Variants in MINDY3 observed in about 807,000 individuals in gnomAD.
The protein encoded by MINDY3 is MINDY lysine 48 deubiquitinase 3.
A neutral mutation model predicts 69.2 loss-of-function variants in MINDY3; 38 were observed. That is an observed-to-expected ratio of 0.55 (90% CI 0.42 to 0.72). MINDY3 has a LOEUF of 0.72. Among genes scored for constraint, MINDY3 ranks in the 30% least tolerant of loss-of-function variants. The pLI is 0.00. For missense variants in MINDY3, 522 were observed against 519.0 expected (o/e 1.01, Z -0.06); for synonymous variants, 192 against 180.1 (o/e 1.07, Z -0.53).
At chr10:15,799,993 A>G (rs752949485) in intron 10 of MINDY3, among the ~76,000 whole-genome samples, 1 of 152,154 alleles carries the variant, frequency 6.6e-6, no homozygotes, top group Non-Finnish European at 1.5e-5. Flanking sequence ...TCAAAGAACT[A>G]AGAAGCGAGT....
At chr10:15,849,916 T>A (rs949867131) in intron 1 of MINDY3, among the ~76,000 whole-genome samples, 2 of 152,178 alleles carry the variant, frequency 1.3e-5, no homozygotes, top group African/African-American at 4.8e-5. Flanking sequence ...TACCACACAA[T>A]TTACTTAACC....
At position 15,795,832 on chromosome 10, in the gene MINDY3, G is replaced by T. The variant is rs142323649; in HGVS notation, c.955+268C>A. On this transcript the variant is annotated intron_variant, in intron 11 of 14. Transcript: ENST00000277632. The stretch of plus-strand genomic sequence containing the variant: ...TTTCAAACAGTTTGTTCAAAAGGTG[G>T]TATTTTTCCCTGTTTGGGGTCAAGA... Among the ~76,000 whole-genome samples the T allele has an allele frequency of 2.5e-3, 373 of 152,038 alleles. 3 individuals are homozygous for T. Among genetic ancestry groups the T allele is most frequent in the African/African-American group, 7.6e-3 (317 of 41,528 alleles).
At chr10:15,848,068 G>C in intron 1 of MINDY3, 125 bp from the exon 2 acceptor site, 1 of 746,622 alleles carries the variant, frequency 1.3e-6, no homozygotes, top group Non-Finnish European at 2.3e-6. Flanking sequence ...CAAATCATGA[G>C]GTGTGGATCA....
chr10:15,833,695 T>C lies in MINDY3; in HGVS notation c.665A>G (p.Asn222Ser), dbSNP rs764282543. 2 of 1,608,964 alleles carry C rather than the reference T, an allele frequency of 1.2e-6. No homozygotes were observed. The highest frequency in any genetic ancestry group is 1.7e-6 in the Non-Finnish European group (2 of 1,175,728). Reference protein sequence around the residue: ...VYGHGSQSLINLLLTGHAVSN... With the variant: ...VYGHGSQSLISLLLTGHAVSN... ...AACAGCATGTCCCGTCAGCAGGAGA[T>C]TAATTAAACTTTGGCTATTAATAAA... The change falls in exon 8 of 15, where the codon AAT becomes AGT. Residue 222 changes from asparagine to serine, a missense_variant. Asn to Ser is a conservative substitution (Grantham distance 46). Coordinates refer to ENST00000277632, the MANE Select transcript of MINDY3 (RefSeq NM_024948.4).
At chr10:15,813,242 C>G (rs753094087) in intron 10 of MINDY3, among the ~76,000 whole-genome samples, 1 of 152,100 alleles carries the variant, frequency 6.6e-6, no homozygotes, top group Non-Finnish European at 1.5e-5. Context: ...CACCTTGTCC[C>G]CCTAATTCTC....
At chr10:15,829,910 G>A (rs954052338) in intron 8 of MINDY3, among the ~76,000 whole-genome samples, 2 of 152,214 alleles carry the variant, frequency 1.3e-5, no homozygotes, top group African/African-American at 4.8e-5. Context: ...TCAAACAGCA[G>A]AGGCATAAAC....
chr10:15,847,056 T>C (rs185101254), intron 2 of MINDY3, among the ~76,000 whole-genome samples: 3 of 152,182 alleles, frequency 2.0e-5, no homozygotes, highest in Admixed American at 6.5e-5. Context: ...GAATAATAAA[T>C]GCCACATTAA....
intron 1 of MINDY3, among the ~76,000 whole-genome samples, chr10:15,855,790 C>G (rs1478756737): frequency 6.6e-6 from 1 of 152,028 alleles, no homozygotes; most frequent in Non-Finnish European, 1.5e-5. Flanking sequence ...GACTTCACAT[C>G]TAAAAAAATG....
chr10:15,823,406 A>C (rs1467093111), intron 8 of MINDY3, among the ~76,000 whole-genome samples: 1 of 152,156 alleles, frequency 6.6e-6, no homozygotes, highest in Non-Finnish European at 1.5e-5. Context: ...GATCTGTTAT[A>C]TTGTATCAGA....
At chr10:15,807,914 TA>T (rs1189407776) in intron 10 of MINDY3, among the ~76,000 whole-genome samples, 2 of 152,238 alleles carry the variant, frequency 1.3e-5, no homozygotes, top group African/African-American at 4.8e-5. Context: ...AGAACATTTA[TA>T]TTTTGAAAGA....
intron 9 of MINDY3, among the ~76,000 whole-genome samples, chr10:15,820,679 T>C (rs780364036): frequency 6.6e-6 from 1 of 152,210 alleles, no homozygotes; most frequent in African/African-American, 2.4e-5. Flanking sequence ...GATTATCATA[T>C]GCATATCACC....
chr10:15,849,403 A>G (rs562230276), intron 1 of MINDY3, among the ~76,000 whole-genome samples: 158 of 152,022 alleles, frequency 1.0e-3, no homozygotes, highest in African/African-American at 3.7e-3. Context: ...CCAGGACTTA[A>G]CCAGCAGAGA....
Position 15,816,951 on chromosome 10 carries a change from A to G in MINDY3, c.802-36T>C, listed in dbSNP as rs770876592. ...TGTAGCAAAATAAAACAAATAAACAAATTAAAAATTTATACTGCCTCTTAT... is the reference window on the plus strand; with the variant it reads ...TGTAGCAAAATAAAACAAATAAACAGATTAAAAATTTATACTGCCTCTTAT... On this transcript the variant is annotated intron_variant, in intron 9 of 14. Coordinates refer to ENST00000277632, the MANE Select transcript of MINDY3 (RefSeq NM_024948.4). 1.3e-5 allele frequency: 20 copies of G among 1,495,108 alleles called. No individual in the cohort carries two copies. In the Admixed American group the frequency reaches 1.7e-4, roughly 13 times the overall value. The allele number at this position is 1,495,108 out of a possible 1,614,324, so 92.6% of individuals were successfully genotyped here.
In MINDY3 at chr10:15,796,298, A is replaced by G. The variant is rs1837823003; in HGVS notation, c.883-126T>C. ...AGACTTTGAGTTACATTTGTATCATAGATGTGTAACGAGATAGGTCATAAA... is the reference window on the plus strand; with the variant it reads ...AGACTTTGAGTTACATTTGTATCATGGATGTGTAACGAGATAGGTCATAAA... On this transcript the variant is annotated intron_variant, in intron 10 of 14. Coordinates refer to ENST00000277632, the MANE Select transcript of MINDY3 (RefSeq NM_024948.4). 4 of 731,666 alleles carry G rather than the reference A, an allele frequency of 5.5e-6. No individual in the cohort carries two copies. The Admixed American group carries it at 8.6e-5, about 16-fold the overall frequency. The allele number at this position is 731,666 out of a possible 1,614,324, so 45.3% of individuals were successfully genotyped here.
chr10:15,860,338 C>G lies in MINDY3; in HGVS notation c.-39G>C. ...CGGGCGGATCTTCGCTTTGCGGACT[C>G]CTGCCCCGGAACATGGGGAAGGGGC... On this transcript the variant is annotated 5_prime_UTR_variant, in exon 1 of 15. Transcript: ENST00000277632. 1 of 1,483,774 alleles carries G rather than the reference C, an allele frequency of 6.7e-7. No homozygotes were observed. The highest frequency in any genetic ancestry group is 9.3e-7 in the Non-Finnish European group (1 of 1,080,450). The allele number at this position is 1,483,774 out of a possible 1,614,324, so 91.9% of individuals were successfully genotyped here. A position where few individuals can be genotyped will look rare whatever the true frequency, so the allele number is the denominator to read the frequency against.
At chr10:15,793,343 C>T (rs1349834954) in intron 11 of MINDY3, among the ~76,000 whole-genome samples, 1 of 152,080 alleles carries the variant, frequency 6.6e-6, no homozygotes, top group Non-Finnish European at 1.5e-5. Flanking sequence ...AGAGGTGATA[C>T]ATCAAGGTCC....
intron 11 of MINDY3, among the ~76,000 whole-genome samples, chr10:15,790,562 G>A (rs138776509): frequency 3.2e-4 from 49 of 152,202 alleles, no homozygotes; most frequent in African/African-American, 1.1e-3. Context: ...TAAAGGCTCA[G>A]CGTCTCCGAA....
In MINDY3 at chr10:15,832,586, T is replaced by C. The variant is rs530395048; in HGVS notation, c.730+1044A>G. Among the ~76,000 whole-genome samples the C allele has an allele frequency of 3.4e-4, 52 of 152,334 alleles. 1 individual carries two copies. In the South Asian group the frequency reaches 0.011, roughly 32 times the overall value. ...TTCACGAATTTCACTGTTTAAACTCTGACCTTTACTAGAAATCACCAAAAC... is the reference window on the plus strand; with the variant it reads ...TTCACGAATTTCACTGTTTAAACTCCGACCTTTACTAGAAATCACCAAAAC... On this transcript the variant is annotated intron_variant, in intron 8 of 14. Transcript: ENST00000277632.
At chr10:15,807,876 A>G (rs907303665) in intron 10 of MINDY3, among the ~76,000 whole-genome samples, 3 of 152,224 alleles carry the variant, frequency 2.0e-5, no homozygotes, top group Non-Finnish European at 4.4e-5. Context: ...CATAAGGGTA[A>G]CTGATGTTCA....
Sources: allele counts gnomAD v4.1 joint callset (sites outside exome capture counted in the v4.1 genomes callset), GRCh38; gene constraint gnomAD v4.1.1; transcripts MANE v1.5; gene names NCBI Gene and HGNC (gene_info 2026-07-23, HGNC 2026-07-21).